The following MYO1H variants were observed in gnomAD, a reference collection of about 807,000 sequenced individuals.
The protein encoded by MYO1H is myosin IH, also known as unconventional myosin-Ih.
In MYO1H, 118 loss-of-function variants were observed where a neutral mutation model predicts 149.3. The ratio of observed to expected loss-of-function variants is 0.79; its 90% CI spans 0.68 to 0.92. The LOEUF (loss-of-function observed/expected upper bound fraction) is 0.92. Ranked by LOEUF, MYO1H falls within the 40% of genes least tolerant of loss-of-function variation. The probability of loss-of-function intolerance (pLI) is 0.00; values close to 1 mark genes in which losing one functional copy is unlikely to be tolerated. For missense variants in MYO1H, 1,212 were observed against 1,280.7 expected, an observed-to-expected ratio of 0.95 and a Z score of 0.82; for synonymous variants, 447 against 465.2, an observed-to-expected ratio of 0.96 and a Z score of 0.50.
At chr12:109,444,776 G>A (rs1478287862) in intron 30 of MYO1H, among the ~76,000 whole-genome samples, 4 of 151,580 alleles carry the variant, frequency 2.6e-5, no homozygotes, top group African/African-American at 4.9e-5. Flanking sequence ...CCTGAGGCAC[G>A]AGAATCCCTT....
rs60551691 is a variant in MYO1H at position 109,396,814 on chromosome 12, G to GTTTTTTTTTTTTTT, written c.489+249_489+262dup. On this transcript the variant is annotated intron_variant, in intron 4 of 31. Transcript: ENST00000310903. ...GACATTTGGTTTTTGTTTTGGTTTC[G>GTTTTTTTTTTTTTT]TTTTTTTTTTTTTTTTTTTTTTTTT... Among the ~76,000 whole-genome samples the GTTTTTTTTTTTTTT allele has an allele frequency of 4.1e-4, 21 of 51,070 alleles. 2 individuals are homozygous for GTTTTTTTTTTTTTT. Among genetic ancestry groups the GTTTTTTTTTTTTTT allele is most frequent in the African/African-American group, 7.6e-4 (12 of 15,866 alleles). 33.5% of individuals were successfully genotyped at this position (51,070 alleles called of 152,430 possible). A position where few individuals can be genotyped will look rare whatever the true frequency, so the allele number is the denominator to read the frequency against.
intron 22 of MYO1H, among the ~76,000 whole-genome samples, chr12:109,438,086 T>TACAAA (rs1871944162): frequency 1.0e-5 from 1 of 96,918 alleles, no homozygotes; most frequent in Non-Finnish European, 2.0e-5. Context: ...AGGCTCTGTC[T>TACAAA]AAAAAAAAAA....
At chr12:109,325,035 T>C in the MYO1H span, among the ~76,000 whole-genome samples, 1 of 152,338 alleles carries the variant, frequency 6.6e-6, no homozygotes, top group South Asian at 2.1e-4. Flanking sequence ...TCCATGTCCC[T>C]GCAAAGGACA....
At chr12:109,388,584 A>G (rs767943708) in intron 1 of MYO1H, 99 bp from the exon 2 acceptor site, 1 of 1,116,800 alleles carries the variant, frequency 9.0e-7, no homozygotes, top group Non-Finnish European at 1.2e-6. Flanking sequence ...CTGGCTCTCT[A>G]CTATCCCAGG....
the MYO1H span, among the ~76,000 whole-genome samples, chr12:109,324,752 G>A: frequency 6.6e-6 from 1 of 150,482 alleles, no homozygotes; most frequent in Non-Finnish European, 1.5e-5. Context: ...TTTGCAGAAT[G>A]TGCAGGTTTG....
intron 19 of MYO1H, among the ~76,000 whole-genome samples, chr12:109,428,948 C>T (rs150770808): frequency 5.5e-4 from 84 of 152,290 alleles, no homozygotes; most frequent in African/African-American, 1.8e-3. Context: ...TTGCCTCACA[C>T]CTGTAATTCC....
At chr12:109,328,877 G>A in the MYO1H span, among the ~76,000 whole-genome samples, 3 of 152,164 alleles carry the variant, frequency 2.0e-5, no homozygotes, top group African/African-American at 7.2e-5. Flanking sequence ...GCATGATCAA[G>A]CTAATTAACA....
chr12:109,364,495 T>C (rs1418975642), intron 1 of MYO1H, among the ~76,000 whole-genome samples: 1 of 152,108 alleles, frequency 6.6e-6, no homozygotes, highest in Non-Finnish European at 1.5e-5. Context: ...AGGCTAATTT[T>C]TGTATTTTTT....
rs776351983 is a variant in MYO1H, at chr12:109,411,883, T to C, written c.1411-11T>C. 1.4e-5 allele frequency: 22 copies of C among 1,590,150 alleles called. No individual in the cohort carries two copies. Among genetic ancestry groups the C allele is most frequent in the Admixed American group, 5.3e-5 (3 of 56,560 alleles). On this transcript the variant is annotated splice_polypyrimidine_tract_variant and intron_variant, in intron 13 of 31. Coordinates refer to ENST00000310903, the Ensembl canonical transcript of MYO1H. ...GTGCTGTGGATTGAGGCTTCTCTTT[T>C]TCTTTTGAAGGATGAAGAATGCATT...
Position 109,349,497 on chromosome 12 carries a change from C to CCCCAA in MYO1H, c.12+1525_12+1526insCCCAA, listed in dbSNP as rs150233595. 2.6e-3 allele frequency among the ~76,000 whole-genome samples: 379 copies of CCCCAA among 144,456 alleles called. 7 individuals are homozygous for CCCCAA. The highest frequency in any genetic ancestry group is 9.3e-3 in the African/African-American group (348 of 37,506). 94.8% of individuals were successfully genotyped at this position (144,456 alleles called of 152,430 possible). On this transcript the variant is annotated intron_variant, in intron 1 of 31. Transcript: ENST00000310903. ...GAGCAACATAGTGTGACCCCCCCACCAAAAAAATTAAAAAGTAGCTAGATA... is the reference window on the plus strand; with the variant it reads ...GAGCAACATAGTGTGACCCCCCCACCCCCAAAAAAAAATTAAAAAGTAGCTAGATA...
At chr12:109,368,413 T>C (rs779516937) in intron 1 of MYO1H, among the ~76,000 whole-genome samples, 12 of 152,162 alleles carry the variant, frequency 7.9e-5, no homozygotes, top group Non-Finnish European at 1.3e-4. Flanking sequence ...CCCAGCACTT[T>C]GGGAGGCCGA....
At chr12:109,310,560 C>T in the MYO1H span, among the ~76,000 whole-genome samples, 2 of 151,264 alleles carry the variant, frequency 1.3e-5, no homozygotes, top group Non-Finnish European at 2.9e-5. Flanking sequence ...GCTGTCCTCG[C>T]GTTATCTACT....
At chr12:109,314,616 G>A in the MYO1H span, among the ~76,000 whole-genome samples, 1 of 152,150 alleles carries the variant, frequency 6.6e-6, no homozygotes, top group African/African-American at 2.4e-5. Context: ...AGTGTTTCTG[G>A]ACAAGTTATT....
the MYO1H span, among the ~76,000 whole-genome samples, chr12:109,331,709 G>A: frequency 2.6e-5 from 4 of 152,146 alleles, no homozygotes; most frequent in East Asian, 7.7e-4. Flanking sequence ...AGATGGATGG[G>A]GCAGTGGTTC....
At chr12:109,441,513 C>A in intron 25 of MYO1H, 102 bp from the exon 26 acceptor site, 3 of 688,792 alleles carry the variant, frequency 4.4e-6, no homozygotes, top group Non-Finnish European at 7.1e-6. Context: ...AAGGCTCCCA[C>A]AGTTTATCCA....
chr12:109,323,942 G>T, the MYO1H span, among the ~76,000 whole-genome samples: 2 of 151,812 alleles, frequency 1.3e-5, no homozygotes, highest in African/African-American at 2.4e-5. Flanking sequence ...CATTTGGGAA[G>T]CTGAGGCGGG....
At chr12:109,445,942 T>G (rs937705695) in intron 31 of MYO1H, 8 of 985,316 alleles carry the variant, frequency 8.1e-6, no homozygotes, top group Admixed American at 6.1e-5. Flanking sequence ...TATCCATAAC[T>G]TCCCCCCACG....
In MYO1H at chr12:109,426,107, C is replaced by A. The variant is rs545645489; in HGVS notation, c.1831+56C>A. 68 of 1,310,726 alleles carry A rather than the reference C, an allele frequency of 5.2e-5. No homozygotes were observed. The African/African-American group carries it at 7.8e-4, about 15-fold the overall frequency. 81.2% of individuals were successfully genotyped at this position (1,310,726 alleles called of 1,614,324 possible). A position where few individuals can be genotyped will look rare whatever the true frequency, so the allele number is the denominator to read the frequency against. On this transcript the variant is annotated intron_variant, in intron 18 of 31. Transcript: ENST00000310903. ...AGGGAAAGGAGGCTGGGAGCCAAAGCAAGGTGGCAGTGGGTTGGGATCCTA... is the reference window on the plus strand; with the variant it reads ...AGGGAAAGGAGGCTGGGAGCCAAAGAAAGGTGGCAGTGGGTTGGGATCCTA...
At chr12:109,425,974 G>A in exon 18 of MYO1H, 1 of 1,613,846 alleles carries the variant, frequency 6.2e-7, no homozygotes, top group Non-Finnish European at 8.5e-7. Flanking sequence ...AACAGTCTGA[G>A]CAGCCTTCTA....
Sources: allele counts gnomAD v4.1 joint callset (sites outside exome capture counted in the v4.1 genomes callset), GRCh38; gene constraint gnomAD v4.1.1; transcripts MANE v1.5; gene names NCBI Gene and HGNC (gene_info 2026-07-23, HGNC 2026-07-21).